Variants in ZFYVE16 observed in about 807,000 individuals in gnomAD.
ZFYVE16 encodes zinc finger FYVE domain-containing protein 16.
ZFYVE16 carries 89 observed loss-of-function variants against 138.1 expected under a neutral mutation model. The observed-to-expected ratio is 0.64, with a 90% CI of 0.54 to 0.77. The LOEUF is 0.77. ZFYVE16 is among the 30% of genes least tolerant of loss of function. The probability of loss-of-function intolerance (pLI) is 0.00; values close to 1 mark genes in which losing one functional copy is unlikely to be tolerated. For synonymous variants in ZFYVE16, 596 were observed against 618.3 expected, an observed-to-expected ratio of 0.96 and a Z score of 0.53; for missense variants, 1,793 against 1,786.7, an observed-to-expected ratio of 1.00 and a Z score of -0.06.
rs890216596 is a variant in ZFYVE16, at chr5:80,483,346, A to G, written c.*5969A>G. The stretch of plus-strand genomic sequence containing the variant: ...TAGACTTACATGTTTGTTAAAATAT[A>G]TGTAACTGCTGAAATAAAAAAATTG... On this transcript the variant is annotated 3_prime_UTR_variant, in exon 19 of 19. Coordinates refer to ENST00000505560, the MANE Select transcript of ZFYVE16 (RefSeq NM_001284236.3). Among the ~76,000 whole-genome samples the G allele has an allele frequency of 6.6e-6, 1 of 152,260 alleles. No homozygotes were observed. The highest frequency in any genetic ancestry group is 2.4e-5 in the African/African-American group (1 of 41,470).
intron 7 of ZFYVE16, among the ~76,000 whole-genome samples, 162 bp downstream of exon 7, chr5:80,445,567 TTAAAAAAA>T: frequency 6.6e-6 from 1 of 151,416 alleles, no homozygotes; most frequent in East Asian, 1.9e-4. Context: ...TTTACCCCCT[TTAAAAAAA>T]AGAGAGAGAC....
At chr5:80,420,225 G>A (rs1032825231) in intron 1 of ZFYVE16, among the ~76,000 whole-genome samples, 1 of 152,018 alleles carries the variant, frequency 6.6e-6, no homozygotes, top group Non-Finnish European at 1.5e-5. Flanking sequence ...TTTTGCCTCA[G>A]CCTCCTGAGT....
At chr5:80,465,405 T>TTTTTG (rs1753622274) in intron 15 of ZFYVE16, among the ~76,000 whole-genome samples, 5 of 103,308 alleles carry the variant, frequency 4.8e-5, no homozygotes, top group African/African-American at 1.8e-4. Context: ...TCTTTGTTTT[T>TTTTTG]TTTTTTTTTT....
intron 5 of ZFYVE16, chr5:80,440,872 A>C: frequency 1.0e-6 from 1 of 985,250 alleles, no homozygotes; most frequent in Non-Finnish European, 1.2e-6. Flanking sequence ...AATACCTGAT[A>C]ATAATTTGTT....
At chr5:80,476,712 GT>G (rs1754945022) in intron 18 of ZFYVE16, among the ~76,000 whole-genome samples, 1 of 152,142 alleles carries the variant, frequency 6.6e-6, no homozygotes, top group Admixed American at 6.5e-5. Flanking sequence ...TGGAAAAGGG[GT>G]TTTGTTTTTA....
In ZFYVE16 at chr5:80,425,068, C is replaced by T. The variant is rs116387782; in HGVS notation, c.-93-2424C>T. Among the ~76,000 whole-genome samples, 707 of 152,226 alleles carry T rather than the reference C, an allele frequency of 4.6e-3. 4 individuals are homozygous for T. Among genetic ancestry groups the T allele is most frequent in the Non-Finnish European group, 7.0e-3 (478 of 68,010 alleles). ...TTGTATCGTCTGGTGTAATATGTTA[C>T]CTGTATCTGTTGAGTTGGCTTTTTC... On this transcript the variant is annotated intron_variant, in intron 1 of 18. Coordinates refer to ENST00000505560, the MANE Select transcript of ZFYVE16 (RefSeq NM_001284236.3).
upstream of ZFYVE16, among the ~76,000 whole-genome samples, chr5:80,407,826 C>T (rs1270273883): frequency 6.6e-6 from 1 of 152,228 alleles, no homozygotes; most frequent in African/African-American, 2.4e-5. Context: ...GAGTCCCGAC[C>T]TAAGGTCGAA....
In ZFYVE16 at chr5:80,451,726, T is replaced by A. The variant is rs1297399500; in HGVS notation, c.3607+17T>A. 1.3e-6 allele frequency: 2 copies of A among 1,587,744 alleles called. No individual in the cohort carries two copies. Among genetic ancestry groups the A allele is most frequent in the East Asian group, 2.2e-5 (1 of 44,662 alleles). On this transcript the variant is annotated intron_variant, in intron 11 of 18. Coordinates refer to ENST00000505560, the MANE Select transcript of ZFYVE16 (RefSeq NM_001284236.3). ...AATATAAAGGTAAGTTTTAGAGTAA[T>A]AAGTTAAATTGCATATTTTCAAATA...
intron 4 of ZFYVE16, 97 bp downstream of exon 4, chr5:80,439,104 T>C: frequency 8.0e-7 from 1 of 1,249,240 alleles, no homozygotes; most frequent in Non-Finnish European, 1.1e-6. Context: ...AATTACAAGA[T>C]TGAGTTAGTT....
At chr5:80,407,890 T>C (rs1329738854), upstream of ZFYVE16, 5 of 152,410 alleles carry the variant, frequency 3.3e-5, no homozygotes, top group Middle Eastern at 3.4e-3. Context: ...CGGTAAGAAA[T>C]CTAGTGCCCT....
rs1751202786 is a variant in ZFYVE16 at position 80,445,397 on chromosome 5, G to A, written c.2716G>A (p.Val906Met). ...SEDFSPLSPD[V>M]PMTVNTVDHS... Reference sequence around the variant, plus strand: ...AGACTTTAGTCCTCTCTCACCTGATGTGCCTATGGTAAGGAATTCAAAGAA... The same window carrying A: ...AGACTTTAGTCCTCTCTCACCTGATATGCCTATGGTAAGGAATTCAAAGAA... Residue 906 changes from valine (V) to methionine (M), a missense_variant, in exon 7 of 19, where the codon GTG (valine) becomes ATG (methionine). Val to Met is a conservative substitution (Grantham distance 21). Coordinates refer to ENST00000505560, the MANE Select transcript of ZFYVE16 (RefSeq NM_001284236.3). 6.2e-7 allele frequency: 1 copy of A among 1,610,114 alleles called. No individual in the cohort carries two copies. Among genetic ancestry groups the A allele is most frequent in the Non-Finnish European group, 8.5e-7 (1 of 1,178,954 alleles).
Position 80,478,000 on chromosome 5 carries a change from A to G in ZFYVE16, c.*623A>G, listed in dbSNP as rs1018405780. 8 of 152,080 alleles carry G rather than the reference A, an allele frequency of 5.3e-5. No individual in the cohort carries two copies. The highest frequency in any genetic ancestry group is 1.0e-4 in the Non-Finnish European group (7 of 67,960). The allele number at this position is 152,080 out of a possible 1,614,324, so 9.4% of individuals were successfully genotyped here. A position where few individuals can be genotyped will look rare whatever the true frequency, so the allele number is the denominator to read the frequency against. On this transcript the variant is annotated 3_prime_UTR_variant, in exon 19 of 19. Coordinates refer to ENST00000505560, the MANE Select transcript of ZFYVE16 (RefSeq NM_001284236.3). Reference sequence around the variant, plus strand: ...ATATGTATGTATTATATATCCACATATATAGTTTTCCCTGATTAAATGGAT... The same window carrying G: ...ATATGTATGTATTATATATCCACATGTATAGTTTTCCCTGATTAAATGGAT...
At chr5:80,412,375 TAAAC>T (rs1745576763) in intron 1 of ZFYVE16, among the ~76,000 whole-genome samples, 1 of 152,166 alleles carries the variant, frequency 6.6e-6, no homozygotes, top group Admixed American at 6.5e-5. Context: ...TATACATAAA[TAAAC>T]CTATTTTAAA....
chr5:80,471,827 A>G (rs1028942715), intron 15 of ZFYVE16, among the ~76,000 whole-genome samples: 1 of 152,126 alleles, frequency 6.6e-6, no homozygotes, highest in Non-Finnish European at 1.5e-5. Flanking sequence ...CATTGTGTAG[A>G]CTTGATTTTT....
chr5:80,451,859 C>T, intron 11 of ZFYVE16, 150 bp downstream of exon 11: 2 of 737,714 alleles, frequency 2.7e-6, no homozygotes, highest in South Asian at 4.0e-5. Flanking sequence ...CCCTCTTCTA[C>T]TACCAGGTTG....
At chr5:80,466,880 A>G (rs748846510) in intron 15 of ZFYVE16, among the ~76,000 whole-genome samples, 24 of 152,338 alleles carry the variant, frequency 1.6e-4, no homozygotes, top group Non-Finnish European at 2.9e-4. Context: ...CTGAATCTTG[A>G]TAAGAATAGC....
At chr5:80,442,293 T>A (rs1437900522) in intron 5 of ZFYVE16, among the ~76,000 whole-genome samples, 1 of 151,980 alleles carries the variant, frequency 6.6e-6, no homozygotes, top group African/African-American at 2.4e-5. Context: ...ATGGTAGAGA[T>A]GCGGTTTCAC....
In ZFYVE16 at chr5:80,440,007, A is replaced by AGTATGTGTAGCAAGT; in HGVS notation, c.2396_2397insATGTGTAGCAAGTGT (p.Cys800_Tyr801insValAlaSerValCys). ...TAGAAAAGGAAGCAAGAGTATGTGTAGTCTGCTATGAAACTATTAGTAAAG... is the reference window on the plus strand; with the variant it reads ...TAGAAAAGGAAGCAAGAGTATGTGTAGTATGTGTAGCAAGTGTCTGCTATGAAACTATTAGTAAAG... On this transcript the variant is annotated inframe_insertion, in exon 5 of 19. Coordinates refer to ENST00000505560, the MANE Select transcript of ZFYVE16 (RefSeq NM_001284236.3). 2 of 1,610,572 alleles carry AGTATGTGTAGCAAGT rather than the reference A, an allele frequency of 1.2e-6. No individual in the cohort carries two copies. Among genetic ancestry groups the AGTATGTGTAGCAAGT allele is most frequent in the Non-Finnish European group, 1.7e-6 (2 of 1,178,288 alleles).
Position 80,416,164 on chromosome 5 carries a change from T to A in ZFYVE16, c.-94+8011T>A, listed in dbSNP as rs541893383. 5.3e-5 allele frequency among the ~76,000 whole-genome samples: 8 copies of A among 152,314 alleles called. No individual in the cohort carries two copies. In the East Asian group the frequency reaches 1.5e-3, roughly 29 times the overall value. ...GAGTCTAAATAAATTATTTGGATTT[T>A]TTTTTTATTTTTTTGCGTGGGAGAT... On this transcript the variant is annotated intron_variant, in intron 1 of 18. Transcript: ENST00000505560.
Sources: allele counts gnomAD v4.1 joint callset (sites outside exome capture counted in the v4.1 genomes callset), GRCh38; gene constraint gnomAD v4.1.1; transcripts MANE v1.5; gene names NCBI Gene and HGNC (gene_info 2026-07-23, HGNC 2026-07-21).